PRELID2: variants seen among roughly 807,000 people sequenced by gnomAD.
The protein encoded by PRELID2 is PRELI domain-containing protein 2.
Under a neutral mutation model 28.4 loss-of-function variants are expected in PRELID2, and 25 were observed. That is an observed-to-expected ratio of 0.88 (90% CI 0.64 to 1.23). The LOEUF (loss-of-function observed/expected upper bound fraction) is 1.23, where lower values mean the gene tolerates loss of function less well. PRELID2 is among the 50% of genes most tolerant of loss of function. PRELID2 has a pLI of 0.00. For missense variants in PRELID2, 201 were observed against 214.4 expected, an observed-to-expected ratio of 0.94 and a Z score of 0.39; for synonymous variants, 76 against 71.6, an observed-to-expected ratio of 1.06 and a Z score of -0.31.
the PRELID2 span, among the ~76,000 whole-genome samples, chr5:145,413,806 CT>C: frequency 2.0e-5 from 3 of 151,962 alleles, no homozygotes; most frequent in Non-Finnish European, 4.4e-5. Context: ...GTTTGTCTTT[CT>C]GTTTTACTTC....
chr5:145,697,033 TTATATATA>T (rs36117637), intron 1 of PRELID2, among the ~76,000 whole-genome samples: 3,456 of 50,450 alleles, frequency 0.069, 153 homozygotes, highest in Middle Eastern at 0.083. Flanking sequence ...GAGAGGAAAA[TTATATATA>T]TATATATATA....
chr5:145,425,172 A>C, the PRELID2 span, among the ~76,000 whole-genome samples: 1 of 152,222 alleles, frequency 6.6e-6, no homozygotes, highest in South Asian at 2.1e-4. Context: ...AGCATCACTG[A>C]TCATTAAAGA....
At chr5:145,815,470 G>C (rs1754234976) in intron 4 of PRELID2, among the ~76,000 whole-genome samples, 1 of 152,292 alleles carries the variant, frequency 6.6e-6, no homozygotes, top group Non-Finnish European at 1.5e-5. Context: ...GTGAGGTTTA[G>C]TATATTCGCA....
At chr5:145,742,445 A>G (rs1756859529) in intron 1 of PRELID2, among the ~76,000 whole-genome samples, 1 of 148,260 alleles carries the variant, frequency 6.7e-6, no homozygotes, top group Non-Finnish European at 1.5e-5. Flanking sequence ...CGATAACAGA[A>G]AGACAGTTGG....
chr5:145,410,978 C>G, the PRELID2 span, among the ~76,000 whole-genome samples: 1 of 151,976 alleles, frequency 6.6e-6, no homozygotes, highest in South Asian at 2.1e-4. Flanking sequence ...GTGGTACAGG[C>G]ATTGGGTAAA....
the PRELID2 span, among the ~76,000 whole-genome samples, chr5:145,438,898 A>T: frequency 6.6e-6 from 1 of 152,136 alleles, no homozygotes; most frequent in African/African-American, 2.4e-5. Context: ...TGTCTGTTGC[A>T]TGCTGATTTC....
chr5:145,406,081 G>T, the PRELID2 span, among the ~76,000 whole-genome samples: 1 of 152,030 alleles, frequency 6.6e-6, no homozygotes. Context: ...TGGGGATGTT[G>T]TTAAACCATT....
rs186065137 is a variant in PRELID2 at position 145,664,511 on chromosome 5, C to A, written n.70+100420G>T. Among the ~76,000 whole-genome samples, 3 of 152,228 alleles carry A rather than the reference C, an allele frequency of 2.0e-5. No individual in the cohort carries two copies. In the East Asian group the frequency reaches 5.8e-4, roughly 29 times the overall value. On this transcript the variant is annotated intron_variant and non_coding_transcript_variant, in intron 1 of 2. Coordinates refer to the PRELID2 transcript ENST00000510259. ...GTATATGACTCTAAAGATCCTTTAT[C>A]TGACAGATCTGAGGAACACAGCTCT...
chr5:145,796,959 T>C (rs1752797375), intron 4 of PRELID2, among the ~76,000 whole-genome samples: 3 of 152,036 alleles, frequency 2.0e-5, no homozygotes. Flanking sequence ...TCCTAACACA[T>C]AAGCATTTAC....
intron 1 of PRELID2, among the ~76,000 whole-genome samples, chr5:145,591,972 CCT>C (rs910555629): frequency 1.3e-5 from 2 of 152,176 alleles, no homozygotes; most frequent in Non-Finnish European, 2.9e-5. Context: ...TCTACCTCAT[CCT>C]ACATTCCATA....
chr5:145,698,093 C>A (rs899048151), intron 1 of PRELID2, among the ~76,000 whole-genome samples: 6 of 151,968 alleles, frequency 3.9e-5, no homozygotes, highest in African/African-American at 1.5e-4. Context: ...ATCATTCAGT[C>A]CTCTTTGCAA....
At chr5:145,601,941 A>T (rs1753404267) in intron 1 of PRELID2, among the ~76,000 whole-genome samples, 1 of 152,184 alleles carries the variant, frequency 6.6e-6, no homozygotes, top group African/African-American at 2.4e-5. Flanking sequence ...AGTAGTGCAG[A>T]GTACGTGACT....
the PRELID2 span, among the ~76,000 whole-genome samples, chr5:145,363,147 T>G: frequency 2.7e-5 from 4 of 149,162 alleles, no homozygotes; most frequent in Admixed American, 6.7e-5. Context: ...GAAAATGATG[T>G]GGCTAGCTCA....
rs6149278 is a variant in PRELID2, at chr5:145,817,421, TTATA to T, written c.368+469_368+472del. Among the ~76,000 whole-genome samples, 44 of 103,606 alleles carry T rather than the reference TTATA, an allele frequency of 4.2e-4. No homozygotes were observed. In the South Asian group the frequency reaches 8.0e-3, roughly 19 times the overall value. The allele number at this position is 103,606 out of a possible 152,430, so 68.0% of individuals were successfully genotyped here. A position where few individuals can be genotyped will look rare whatever the true frequency, so the allele number is the denominator to read the frequency against. On this transcript the variant is annotated intron_variant, in intron 4 of 6. Coordinates refer to ENST00000683046, the MANE Select transcript of PRELID2 (RefSeq NM_205846.3). ...TATGCAATAAAGGAATAAGCTAGTT[TTATA>T]TATATATATATATATATATATATCA...
chr5:145,365,197 T>C, the PRELID2 span, among the ~76,000 whole-genome samples: 16 of 151,948 alleles, frequency 1.1e-4, no homozygotes, highest in African/African-American at 3.6e-4. Flanking sequence ...AATGGTCTAT[T>C]GCACAGAGTG....
At chr5:145,311,487 T>C in the PRELID2 span, among the ~76,000 whole-genome samples, 1 of 152,340 alleles carries the variant, frequency 6.6e-6, no homozygotes, top group African/African-American at 2.4e-5. Context: ...CAGGAAATCC[T>C]GTGACTGTGA....
chr5:145,247,857 T>C, the PRELID2 span, among the ~76,000 whole-genome samples: 1 of 152,092 alleles, frequency 6.6e-6, no homozygotes, highest in Non-Finnish European at 1.5e-5. Flanking sequence ...AGTCACTCAG[T>C]ACGTTTTTAT....
intron 1 of PRELID2, among the ~76,000 whole-genome samples, chr5:145,475,958 G>A (rs422659): frequency 0.67 from 101,644 of 152,098 alleles, 34,467 homozygotes; most frequent in Non-Finnish European, 0.69. Context: ...AATGCTAATG[G>A]TCTAAGTCTC....
chr5:145,242,641 T>C, the PRELID2 span, among the ~76,000 whole-genome samples: 4 of 152,058 alleles, frequency 2.6e-5, no homozygotes, highest in African/African-American at 9.7e-5. Context: ...TACAGATGTG[T>C]CTATGAGAGA....
Sources: allele counts gnomAD v4.1 joint callset (sites outside exome capture counted in the v4.1 genomes callset), GRCh38; gene constraint gnomAD v4.1.1; transcripts MANE v1.5; gene names NCBI Gene and HGNC (gene_info 2026-07-23, HGNC 2026-07-21).